Variants in WLS observed in about 807,000 individuals in gnomAD.
WLS encodes Wnt ligand secretion mediator.
In WLS, 23 loss-of-function variants were observed where a neutral mutation model predicts 62.8. The observed-to-expected ratio is 0.37, with a 90% CI of 0.26 to 0.52. The LOEUF is 0.52. WLS is among the 20% of genes least tolerant of loss of function. The pLI is 0.92. For synonymous variants in WLS, 246 were observed against 244.1 expected, an observed-to-expected ratio of 1.01 and a Z score of -0.07; for missense variants, 615 against 697.3, an observed-to-expected ratio of 0.88 and a Z score of 1.33.
At chr1:68,180,308 T>C (rs1647479597) in intron 2 of WLS, among the ~76,000 whole-genome samples, 2 of 152,052 alleles carry the variant, frequency 1.3e-5, no homozygotes, top group African/African-American at 4.8e-5. Flanking sequence ...ATATTTGTAA[T>C]CTTCTCCCAA....
chr1:68,115,119 G>C (rs374807213), intron 11 of WLS, among the ~76,000 whole-genome samples: 5 of 152,314 alleles, frequency 3.3e-5, no homozygotes, highest in African/African-American at 7.2e-5. Flanking sequence ...CCCGGTCATG[G>C]GTTGCACCTT....
chr1:68,185,944 T>G (rs1647911865), intron 2 of WLS, among the ~76,000 whole-genome samples: 1 of 152,200 alleles, frequency 6.6e-6, no homozygotes, highest in Non-Finnish European at 1.5e-5. Flanking sequence ...TGGGTGGGGC[T>G]GAAATTAGTT....
At chr1:68,164,983 CT>C (rs762045685) in intron 2 of WLS, among the ~76,000 whole-genome samples, 10 of 152,178 alleles carry the variant, frequency 6.6e-5, no homozygotes, top group Non-Finnish European at 1.3e-4. Flanking sequence ...GCTACAACTT[CT>C]CCCCACTTAG....
chr1:68,142,122 T>A (rs1169872745), intron 10 of WLS, among the ~76,000 whole-genome samples: 1 of 152,216 alleles, frequency 6.6e-6, no homozygotes, highest in Non-Finnish European at 1.5e-5. Context: ...GTACACTAAT[T>A]AAACATGTAC....
At chr1:68,124,971 A>G (rs558461548), downstream of WLS, among the ~76,000 whole-genome samples, 1 of 152,370 alleles carries the variant, frequency 6.6e-6, no homozygotes, top group African/African-American at 2.4e-5. Context: ...GTTAAAGTTT[A>G]TCGATATAAG....
At chr1:68,102,978 T>C (rs969153347) in intron 11 of WLS, among the ~76,000 whole-genome samples, 3 of 152,108 alleles carry the variant, frequency 2.0e-5, no homozygotes, top group Non-Finnish European at 4.4e-5. Flanking sequence ...CTGGCAGTGC[T>C]CTGAACCCTT....
intron 1 of WLS, among the ~76,000 whole-genome samples, chr1:68,207,715 G>T (rs954319592): frequency 2.2e-4 from 33 of 152,344 alleles, no homozygotes; most frequent in African/African-American, 7.7e-4. Context: ...TAGCAATTTA[G>T]TGGGGCAGCT....
chr1:68,105,633 C>G (rs1339119465), intron 11 of WLS, among the ~76,000 whole-genome samples: 4 of 152,192 alleles, frequency 2.6e-5, no homozygotes, highest in Non-Finnish European at 5.9e-5. Context: ...CTGAACTCTG[C>G]TCAAGGTTTA....
In WLS at chr1:68,125,745, G is replaced by GA. The variant is rs544835151; in HGVS notation, c.*480dup. 7.3e-3 allele frequency: 7,169 copies of GA among 985,740 alleles called. 30 individuals are homozygous for GA. The highest frequency in any genetic ancestry group is 0.02 in the Middle Eastern group (38 of 1,912). The allele number at this position is 985,740 out of a possible 1,614,324, so 61.1% of individuals were successfully genotyped here. On this transcript the variant is annotated 3_prime_UTR_variant, in exon 12 of 12. Coordinates refer to ENST00000262348, the MANE Select transcript of WLS (RefSeq NM_024911.7). ...GTGGGCTACCTGGTGATATAAATAG[G>GA]AAAAAAACAGTGGTCATGGATTAGG...
downstream of WLS, among the ~76,000 whole-genome samples, chr1:68,120,609 A>G (rs1011828254): frequency 2.5e-4 from 38 of 151,902 alleles, no homozygotes; most frequent in African/African-American, 9.0e-4. Flanking sequence ...TAAGATCTCT[A>G]CTCCGTGACT....
At chr1:68,122,582 A>G (rs980871233), downstream of WLS, among the ~76,000 whole-genome samples, 48 of 152,210 alleles carry the variant, frequency 3.2e-4, no homozygotes, top group African/African-American at 1.1e-3. Flanking sequence ...AAAAACAGAC[A>G]TCTGTAAAAT....
chr1:68,201,864 T>C (rs757686797), intron 1 of WLS: 4 of 152,226 alleles, frequency 2.6e-5, no homozygotes, highest in Non-Finnish European at 4.4e-5. Context: ...TATAAACTTA[T>C]GAAATTATGG....
intron 11 of WLS, among the ~76,000 whole-genome samples, chr1:68,131,062 T>TGTGTG (rs1646512932): frequency 3.4e-5 from 5 of 146,068 alleles, no homozygotes; most frequent in Admixed American, 6.8e-5. Context: ...CCAGCTAATT[T>TGTGTG]TGTGTGTGTG....
chr1:68,098,748 G>A lies in WLS; in HGVS notation c.1516C>T (p.Gln506Ter). Residue 506 changes from glutamine (Q) to a stop codon, truncating the protein, a stop_gained, in exon 12 of 12, where the codon CAA (glutamine) becomes TAA (stop). Transcript: ENST00000354777. LOFTEE classifies it low-confidence loss of function (END_TRUNC). ...TCTTCCCTCGATTTACATGGGAGTT[G>A]CATTCCTGGAAAATTCAGTATATTT... is the stretch of plus-strand genomic sequence containing the variant. 6.2e-7 allele frequency: 1 copy of A among 1,613,350 alleles called. No individual in the cohort carries two copies.
At chr1:68,128,725 A>G (rs1646471965) in intron 11 of WLS, among the ~76,000 whole-genome samples, 1 of 152,232 alleles carries the variant, frequency 6.6e-6, no homozygotes, top group Non-Finnish European at 1.5e-5. Context: ...ATAATGCTTA[A>G]CACGTGCCTG....
chr1:68,172,769 C>G (rs1252717674), intron 2 of WLS, among the ~76,000 whole-genome samples: 1 of 152,046 alleles, frequency 6.6e-6, no homozygotes, highest in Non-Finnish European at 1.5e-5. Flanking sequence ...GCATTACAGG[C>G]AGAGGAAGCC....
chr1:68,184,846 C>T (rs1647817174), intron 2 of WLS, among the ~76,000 whole-genome samples: 1 of 152,184 alleles, frequency 6.6e-6, no homozygotes, highest in Admixed American at 6.5e-5. Context: ...TCTAGATTTT[C>T]TTAATTGGCC....
chr1:68,213,342 T>C (rs1021563148), intron 1 of WLS, among the ~76,000 whole-genome samples: 2 of 149,956 alleles, frequency 1.3e-5, no homozygotes, highest in African/African-American at 4.9e-5. Flanking sequence ...TCCCAGCTAC[T>C]CAGGAGGCTG....
chr1:68,206,784 C>T (rs1330568074), intron 1 of WLS, among the ~76,000 whole-genome samples: 1 of 152,178 alleles, frequency 6.6e-6, no homozygotes, highest in African/African-American at 2.4e-5. Context: ...AACTGTTAAG[C>T]ACTTTTAACT....
Sources: gnomAD v4.1 joint callset for allele counts (sites outside exome capture counted in the v4.1 genomes callset) on GRCh38, gnomAD v4.1.1 for gene constraint, MANE v1.5 for transcripts, NCBI Gene and HGNC (gene_info 2026-07-23, HGNC 2026-07-21) for gene names.